The following RSPH3 variants were observed in gnomAD, a reference collection of about 807,000 sequenced individuals.
The protein encoded by RSPH3 is radial spoke head 3.
A neutral mutation model predicts 43.8 loss-of-function variants in RSPH3; 21 were observed. The ratio of observed to expected loss-of-function variants is 0.48; its 90% CI spans 0.34 to 0.69. RSPH3 has a LOEUF of 0.69. Among genes scored for constraint, RSPH3 ranks in the 30% least tolerant of loss-of-function variants. RSPH3 has a pLI of 0.01. For synonymous variants in RSPH3, 173 were observed against 179.8 expected, an observed-to-expected ratio of 0.96 and a Z score of 0.30; for missense variants, 487 against 516.0, an observed-to-expected ratio of 0.94 and a Z score of 0.54.
rs763294982 is a variant in RSPH3 at position 159,000,014 on chromosome 6, C to T, written c.-464G>A. The T allele has an allele frequency of 3.8e-5, 59 of 1,539,906 alleles. No individual in the cohort carries two copies. Among genetic ancestry groups the T allele is most frequent in the African/African-American group, 5.5e-5 (4 of 72,818 alleles). The stretch of plus-strand genomic sequence containing the variant: ...CGGGGCAACGGTGGCTGTCCTTGGC[C>T]CGGCTTTGGAATGTGGCTTTGCAGG... On this transcript the variant is annotated 5_prime_UTR_variant, in exon 1 of 8. Transcript: ENST00000367069.
downstream of RSPH3, among the ~76,000 whole-genome samples, chr6:158,969,631 G>T (rs1473977113): frequency 1.3e-5 from 2 of 152,126 alleles, no homozygotes; most frequent in African/African-American, 4.8e-5. Flanking sequence ...TCCTTCTGGG[G>T]ATGTGTACGT....
intron 1 of RSPH3, among the ~76,000 whole-genome samples, chr6:158,996,027 C>A (rs919229665): frequency 2.0e-5 from 3 of 152,170 alleles, no homozygotes; most frequent in Non-Finnish European, 4.4e-5. Context: ...GTCCCTTTTA[C>A]CACATAACAT....
At chr6:158,986,879 G>C (rs1389325681) in intron 2 of RSPH3, among the ~76,000 whole-genome samples, 1 of 152,130 alleles carries the variant, frequency 6.6e-6, no homozygotes, top group Non-Finnish European at 1.5e-5. Context: ...TGTGGCCTAA[G>C]ATATGGTCTA....
At chr6:158,994,001 A>T (rs1402795045) in intron 1 of RSPH3, 75 bp from the exon 2 acceptor site, 1 of 739,364 alleles carries the variant, frequency 1.4e-6, no homozygotes, top group Middle Eastern at 2.4e-4. Flanking sequence ...TTTCAATAGG[A>T]TTTAGACTAA....
rs1777774905 is a variant in RSPH3, at chr6:158,974,332, A to G, written c.*3206T>C. ...CATAGTTGGGGATGTAGCATTTTGC[A>G]TATCACATCAAACTGTTATGATGGT... On this transcript the variant is annotated 3_prime_UTR_variant, in exon 8 of 8. Transcript: ENST00000367069. 6.6e-6 allele frequency: 1 copy of G among 152,226 alleles called. No individual in the cohort carries two copies. The highest frequency in any genetic ancestry group is 2.4e-5 in the African/African-American group (1 of 41,456). The allele number at this position is 152,226 out of a possible 1,614,324, so 9.4% of individuals were successfully genotyped here.
Position 158,977,364 on chromosome 6 carries a change from TAA to T in RSPH3, c.*172_*173del, listed in dbSNP as rs1777877564. The T allele has an allele frequency of 3.5e-6, 2 of 569,442 alleles. No individual in the cohort carries two copies. The highest frequency in any genetic ancestry group is 2.8e-5 in the South Asian group (1 of 35,906). The allele number at this position is 569,442 out of a possible 1,614,324, so 35.3% of individuals were successfully genotyped here. A position where few individuals can be genotyped will look rare whatever the true frequency, so the allele number is the denominator to read the frequency against. On this transcript the variant is annotated 3_prime_UTR_variant, in exon 8 of 8. Coordinates refer to ENST00000367069, the MANE Select transcript of RSPH3 (RefSeq NM_031924.8). Reference sequence around the variant, plus strand: ...TTCTATTAAATAAATGAATTCAATTTAAGTTTCATTCTCAAATTAATTTTATC... The same window carrying T: ...TTCTATTAAATAAATGAATTCAATTTGTTTCATTCTCAAATTAATTTTATC...
chr6:158,980,428 C>CAAA (rs201038721), intron 6 of RSPH3, among the ~76,000 whole-genome samples: 5 of 111,800 alleles, frequency 4.5e-5, no homozygotes, highest in African/African-American at 1.7e-4. Context: ...GACTCTGTCT[C>CAAA]AAAAAAAAAA....
At position 158,980,917 on chromosome 6, in the gene RSPH3, T is replaced by G. The variant is rs753075016; in HGVS notation, c.716A>C (p.Gln239Pro). The change falls in exon 6 of 8, where the codon CAG becomes CCG. Residue 239 changes from glutamine (Q) to proline (P), a missense_variant. Physicochemically the swap from Gln to Pro is moderately conservative, Grantham distance 76. Coordinates refer to ENST00000367069, the MANE Select transcript of RSPH3 (RefSeq NM_031924.8). The part of the protein sequence containing the change: ...REEKERRKKQ[Q>P]WEIMHKHNET... Reference sequence around the variant, plus strand: ...GTTGTGCTTGTGCATTATTTCCCACTGCTGTTTCTTACGCCGTTCCTGCCA... The same window carrying G: ...GTTGTGCTTGTGCATTATTTCCCACGGCTGTTTCTTACGCCGTTCCTGCCA... 1 of 1,614,144 alleles carries G rather than the reference T, an allele frequency of 6.2e-7. No individual in the cohort carries two copies. Among genetic ancestry groups the G allele is most frequent in the African/African-American group, 1.3e-5 (1 of 75,042 alleles).
chr6:158,982,437 C>A, intron 5 of RSPH3, 48 bp downstream of exon 5: 1 of 1,233,838 alleles, frequency 8.1e-7, no homozygotes, highest in Non-Finnish European at 1.1e-6. Flanking sequence ...ACATAATATG[C>A]TAACTAGCCA....
Position 158,989,510 on chromosome 6 carries a change from CA to C in RSPH3, c.205-3090del, listed in dbSNP as rs144507162. On this transcript the variant is annotated intron_variant, in intron 2 of 7. Coordinates refer to ENST00000367069, the MANE Select transcript of RSPH3 (RefSeq NM_031924.8). This position sits in a 1 kb window ranked among gnomAD's most constrained non-coding sequence, Gnocchi z 4.3. ...GTGTGACTGGCTAGGGGTTTGTGCCCAGGGGACCGGTACAATGTTATCTCCT... is the reference window on the plus strand; with the variant it reads ...GTGTGACTGGCTAGGGGTTTGTGCCCGGGGACCGGTACAATGTTATCTCCT... 0.018 allele frequency among the ~76,000 whole-genome samples: 2,709 copies of C among 152,220 alleles called. 34 individuals carry two copies. The highest frequency in any genetic ancestry group is 0.024 in the Middle Eastern group (7 of 294).
Position 158,978,280 on chromosome 6 carries a change from A to G in RSPH3, c.926T>C (p.Val309Ala). ...EVEKTMEYSMVGRTVLDMLIR... is the reference protein window; with the variant it reads ...EVEKTMEYSMAGRTVLDMLIR... ...CTTACTGTCAAGCACTGTTCTTCCC[A>G]CCATGCTATATTCCATGGTTTTTTC... The change falls in exon 7 of 8, where the codon GTG (valine) becomes GCG (alanine). Residue 309 changes from valine (V) to alanine (A), a missense_variant. Coordinates refer to ENST00000367069, the MANE Select transcript of RSPH3 (RefSeq NM_031924.8). 1 of 1,579,674 alleles carries G rather than the reference A, an allele frequency of 6.3e-7. No homozygotes were observed. Among genetic ancestry groups the G allele is most frequent in the African/African-American group, 1.3e-5 (1 of 74,416 alleles).
chr6:158,981,879 T>C (rs1015004255), intron 5 of RSPH3, among the ~76,000 whole-genome samples: 1 of 152,208 alleles, frequency 6.6e-6, no homozygotes, highest in South Asian at 2.1e-4. Context: ...AGAAAGACTA[T>C]CTTTTCTAGT....
chr6:158,998,750 G>C (rs542021033), intron 1 of RSPH3, among the ~76,000 whole-genome samples: 10 of 151,336 alleles, frequency 6.6e-5, no homozygotes, highest in African/African-American at 2.4e-4. Flanking sequence ...CAGCTACTTG[G>C]GAGGCTGAGG....
intron 3 of RSPH3, among the ~76,000 whole-genome samples, chr6:158,984,437 T>TATATATATATAC (rs1778149548): frequency 1.0e-4 from 5 of 49,478 alleles, no homozygotes; most frequent in African/African-American, 2.1e-4. Context: ...AAGTCAATTA[T>TATATATATATAC]ATATATATAT....
chr6:158,965,589 C>T, the RSPH3 span, among the ~76,000 whole-genome samples: 1 of 151,962 alleles, frequency 6.6e-6, no homozygotes, highest in African/African-American at 2.4e-5. Context: ...TCAGATTGTT[C>T]ATTGCCAATG....
In RSPH3 at chr6:158,976,716, C is replaced by A. The variant is rs1303422001; in HGVS notation, c.*822G>T. 6.6e-6 allele frequency: 1 copy of A among 152,178 alleles called. No individual in the cohort carries two copies. The allele number at this position is 152,178 out of a possible 1,614,324, so 9.4% of individuals were successfully genotyped here. ...AAAATAGATGAGAGCATATACTAAT[C>A]CACTGAATTCCTTAAGCCTTACTTG... is the stretch of plus-strand genomic sequence containing the variant. On this transcript the variant is annotated 3_prime_UTR_variant, in exon 8 of 8. Coordinates refer to ENST00000367069, the MANE Select transcript of RSPH3 (RefSeq NM_031924.8).
intron 6 of RSPH3, among the ~76,000 whole-genome samples, chr6:158,979,470 T>C (rs1777958867): frequency 6.6e-6 from 1 of 151,788 alleles, no homozygotes; most frequent in South Asian, 2.1e-4. Context: ...GGACTTGGAG[T>C]CTGAGTTCCA....
intron 5 of RSPH3, among the ~76,000 whole-genome samples, chr6:158,981,245 AATTAAT>A (rs908109387): frequency 2.0e-5 from 3 of 152,212 alleles, no homozygotes; most frequent in African/African-American, 4.8e-5. Flanking sequence ...ATGTATTTTA[AATTAAT>A]ATTATCATGA....
At chr6:158,986,124 G>A (rs1778230382) in intron 3 of RSPH3, among the ~76,000 whole-genome samples, 156 bp downstream of exon 3, 2 of 152,122 alleles carry the variant, frequency 1.3e-5, no homozygotes, top group Middle Eastern at 3.2e-3. Context: ...CCTAGTCTAT[G>A]TATTTCTTTA....
Sources: allele counts gnomAD v4.1 joint callset (sites outside exome capture counted in the v4.1 genomes callset), GRCh38; gene constraint gnomAD v4.1.1; non-coding constraint Gnocchi (gnomAD v3.1); transcripts MANE v1.5; gene names NCBI Gene and HGNC (gene_info 2026-07-23, HGNC 2026-07-21).